RHBDD1: variants seen among roughly 807,000 people sequenced by gnomAD.
RHBDD1 encodes rhomboid-related protein 4.
A neutral mutation model predicts 36.3 loss-of-function variants in RHBDD1; 38 were observed. That is an observed-to-expected ratio of 1.05 (90% CI 0.81 to 1.37). The LOEUF is 1.37. Among genes scored for constraint, RHBDD1 ranks in the 40% most tolerant of loss-of-function variants. RHBDD1 has a pLI of 0.00. For synonymous variants in RHBDD1, 151 were observed against 136.5 expected, an observed-to-expected ratio of 1.11 and a Z score of -0.74; for missense variants, 393 against 377.6, an observed-to-expected ratio of 1.04 and a Z score of -0.34.
chr2:226,953,861 C>G (rs188640046), intron 8 of RHBDD1, among the ~76,000 whole-genome samples: 102 of 152,278 alleles, frequency 6.7e-4, no homozygotes, highest in African/African-American at 2.4e-3. Context: ...AGCTGACAAC[C>G]TAACAGGTGT....
intron 8 of RHBDD1, among the ~76,000 whole-genome samples, chr2:226,955,059 A>G (rs1951698777): frequency 6.6e-6 from 1 of 152,024 alleles, no homozygotes; most frequent in Non-Finnish European, 1.5e-5. Context: ...TGAGTCAGGC[A>G]GTAGACTGGG....
rs549277279 is a variant in RHBDD1, at chr2:226,997,312, C to T, written c.*1790C>T. The T allele has an allele frequency of 2.0e-5, 3 of 152,328 alleles. No individual in the cohort carries two copies. Among genetic ancestry groups the T allele is most frequent in the African/African-American group, 4.8e-5 (2 of 41,580 alleles). 9.4% of individuals were successfully genotyped at this position (152,328 alleles called of 1,614,324 possible). ...TCTCTCCCAAATTCTGTAAGTTTGA[C>T]TCCCGTTACCCCAATTAGAAGTAAC... On this transcript the variant is annotated 3_prime_UTR_variant, in exon 9 of 9. Transcript: ENST00000392062.
chr2:226,969,288 T>G (rs973033678), intron 8 of RHBDD1, among the ~76,000 whole-genome samples: 6 of 152,080 alleles, frequency 3.9e-5, no homozygotes, highest in African/African-American at 1.4e-4. Flanking sequence ...CTCTTGACCT[T>G]AGTTCCTAAT....
At chr2:226,812,600 G>A in the RHBDD1 span, among the ~76,000 whole-genome samples, 2 of 152,080 alleles carry the variant, frequency 1.3e-5, no homozygotes, top group Non-Finnish European at 2.9e-5. Context: ...CATGGTGGGG[G>A]GAAAAGTAAG....
intron 7 of RHBDD1, among the ~76,000 whole-genome samples, chr2:226,910,986 C>G (rs1372558552): frequency 6.6e-6 from 1 of 152,076 alleles, no homozygotes; most frequent in Admixed American, 6.5e-5. Flanking sequence ...CTGACAAGTA[C>G]CAAATTTGTT....
At chr2:226,914,647 T>TA (rs563014114) in intron 8 of RHBDD1, 25 of 172,562 alleles carry the variant, frequency 1.4e-4, no homozygotes, top group Non-Finnish European at 2.2e-4. Context: ...AGATGCATGA[T>TA]AAAAAAAAGA....
At chr2:226,895,525 A>G (rs1369585742) in intron 5 of RHBDD1, 1 of 241,262 alleles carries the variant, frequency 4.1e-6, no homozygotes, top group Non-Finnish European at 6.7e-6. Flanking sequence ...GGAAAAGAAC[A>G]CTAACCTCAC....
intron 5 of RHBDD1, chr2:226,895,924 C>A: frequency 1.8e-6 from 1 of 558,132 alleles, no homozygotes; most frequent in Non-Finnish European, 2.3e-6. Context: ...ATTACTGAAA[C>A]ACTATTATAA....
chr2:226,901,016 A>G (rs1050164369), intron 5 of RHBDD1, among the ~76,000 whole-genome samples: 5 of 152,170 alleles, frequency 3.3e-5, no homozygotes, highest in South Asian at 2.1e-4. Context: ...CCTTTGATCA[A>G]CATCCCCCTA....
At chr2:226,935,940 A>G (rs1950301844) in intron 8 of RHBDD1, among the ~76,000 whole-genome samples, 1 of 152,154 alleles carries the variant, frequency 6.6e-6, no homozygotes, top group Non-Finnish European at 1.5e-5. Context: ...GCAATTTTTA[A>G]TGTATGCAAA....
chr2:226,922,647 C>A (rs1343041627), intron 8 of RHBDD1, among the ~76,000 whole-genome samples: 1 of 152,018 alleles, frequency 6.6e-6, no homozygotes, highest in East Asian at 1.9e-4. Flanking sequence ...TTTACTCCTA[C>A]CATTTTGTTA....
chr2:226,907,643 A>G (rs1046507495), intron 6 of RHBDD1, among the ~76,000 whole-genome samples: 7 of 152,000 alleles, frequency 4.6e-5, no homozygotes, highest in Non-Finnish European at 1.0e-4. Flanking sequence ...TGTGCTGATG[A>G]CTGGTATTCT....
chr2:226,970,133 T>A (rs372481449), intron 8 of RHBDD1, among the ~76,000 whole-genome samples: 1 of 151,694 alleles, frequency 6.6e-6, no homozygotes, highest in East Asian at 1.9e-4. Flanking sequence ...AAGAATAAAA[T>A]CACATGGCCT....
At chr2:226,845,656 G>A (rs916607091) in intron 3 of RHBDD1, among the ~76,000 whole-genome samples, 3 of 152,206 alleles carry the variant, frequency 2.0e-5, no homozygotes, top group African/African-American at 7.2e-5. Context: ...TGTTGGGAAT[G>A]TGGCAACAGC....
chr2:226,901,396 T>C (rs2894623), intron 5 of RHBDD1, among the ~76,000 whole-genome samples: 67,722 of 152,064 alleles, frequency 0.45, 15,248 homozygotes, highest in South Asian at 0.52. Flanking sequence ...TGGGTATATA[T>C]GCAGAAGTAG....
intron 8 of RHBDD1, among the ~76,000 whole-genome samples, chr2:226,993,238 ACTCTGTGTTTCC>A (rs1254695617): frequency 6.6e-6 from 1 of 152,064 alleles, no homozygotes; most frequent in East Asian, 1.9e-4. Context: ...ACACCAGAGG[ACTCTGTGTTTCC>A]CTCTGGGAGT....
intron 5 of RHBDD1, chr2:226,895,815 A>G (rs1947056163): frequency 1.0e-6 from 1 of 985,324 alleles, no homozygotes; most frequent in Middle Eastern, 5.2e-4. Context: ...CAACAGCAAA[A>G]CTATTTAGGC....
At chr2:226,821,455 C>CTGCCCCA in the RHBDD1 span, among the ~76,000 whole-genome samples, 1 of 152,046 alleles carries the variant, frequency 6.6e-6, no homozygotes, top group Non-Finnish European at 1.5e-5. Flanking sequence ...CCCCTGCCCC[C>CTGCCCCA]TGCCCCATGA....
intron 5 of RHBDD1, among the ~76,000 whole-genome samples, chr2:226,875,941 A>C (rs1219118505): frequency 6.6e-6 from 1 of 152,202 alleles, no homozygotes; most frequent in Non-Finnish European, 1.5e-5. Context: ...TTCTGAAAAC[A>C]TTGCAGGATG....
Sources: allele counts gnomAD v4.1 joint callset (sites outside exome capture counted in the v4.1 genomes callset), GRCh38; gene constraint gnomAD v4.1.1; transcripts MANE v1.5; gene names NCBI Gene and HGNC (gene_info 2026-07-23, HGNC 2026-07-21).